LRBA: variants seen among roughly 807,000 people sequenced by gnomAD.
The protein encoded by LRBA is lipopolysaccharide-responsive and beige-like anchor protein.
LRBA carries 176 observed loss-of-function variants against 330.0 expected under a neutral mutation model. That is an observed-to-expected ratio of 0.53 (90% CI 0.47 to 0.60). LRBA has a LOEUF of 0.60. Among genes scored for constraint, LRBA ranks in the 20% least tolerant of loss-of-function variants. The pLI, the probability that LRBA is intolerant of heterozygous loss-of-function variation, is 0.00. For missense variants in LRBA, 3,259 were observed against 3,444.8 expected, an observed-to-expected ratio of 0.95 and a Z score of 1.35; for synonymous variants, 1,230 against 1,193.0, an observed-to-expected ratio of 1.03 and a Z score of -0.64.
intron 17 of LRBA, among the ~76,000 whole-genome samples, chr4:150,888,048 CAAAG>C: frequency 6.6e-6 from 1 of 151,376 alleles, no homozygotes; most frequent in East Asian, 1.9e-4. Flanking sequence ...TTATATTTAA[CAAAG>C]AAAGATTTCA....
At chr4:150,668,987 C>A (rs1781814187) in intron 37 of LRBA, among the ~76,000 whole-genome samples, 2 of 152,216 alleles carry the variant, frequency 1.3e-5, no homozygotes, top group African/African-American at 4.8e-5. Flanking sequence ...GCGCCCTGGT[C>A]TTAAATCCCA....
chr4:150,720,559 A>T (rs1728799038), intron 36 of LRBA, among the ~76,000 whole-genome samples: 1 of 152,160 alleles, frequency 6.6e-6, no homozygotes, highest in African/African-American at 2.4e-5. Context: ...GCTAAGGATC[A>T]AAGAAAGTCA....
At chr4:150,391,964 T>C (rs1485964721) in intron 47 of LRBA, among the ~76,000 whole-genome samples, 3 of 112,656 alleles carry the variant, frequency 2.7e-5, no homozygotes, top group Non-Finnish European at 5.8e-5. Context: ...TGATACTCTG[T>C]TACTCTTTAA....
At chr4:150,673,355 CATT>C (rs1380706959) in intron 37 of LRBA, among the ~76,000 whole-genome samples, 1 of 152,120 alleles carries the variant, frequency 6.6e-6, no homozygotes, top group African/African-American at 2.4e-5. Flanking sequence ...AAAGATAAGT[CATT>C]GTATATCCAG....
chr4:150,831,305 A>T (rs1057261296), intron 29 of LRBA, among the ~76,000 whole-genome samples: 4 of 152,002 alleles, frequency 2.6e-5, no homozygotes, highest in Non-Finnish European at 4.4e-5. Context: ...TAAGCTCCAT[A>T]AGGAAACAGA....
chr4:150,654,683 T>A (rs555657125), intron 37 of LRBA, among the ~76,000 whole-genome samples: 4 of 152,296 alleles, frequency 2.6e-5, no homozygotes, highest in African/African-American at 9.6e-5. Context: ...CCTAATGCTA[T>A]CCCTACCCCC....
At chr4:150,610,075 T>C (rs1448675897) in intron 37 of LRBA, among the ~76,000 whole-genome samples, 1 of 152,196 alleles carries the variant, frequency 6.6e-6, no homozygotes, top group Non-Finnish European at 1.5e-5. Context: ...TTACGTAGCA[T>C]ATTTTTGACT....
chr4:150,664,540 C>A (rs1781402186), intron 37 of LRBA, among the ~76,000 whole-genome samples: 1 of 152,100 alleles, frequency 6.6e-6, no homozygotes, highest in Admixed American at 6.5e-5. Flanking sequence ...GATGTGTTCC[C>A]TCAAAGTATA....
At chr4:150,972,977 A>T (rs935859002) in intron 2 of LRBA, among the ~76,000 whole-genome samples, 20 of 151,714 alleles carry the variant, frequency 1.3e-4, no homozygotes, top group Admixed American at 3.9e-4. Flanking sequence ...ATTGTCCTTT[A>T]AAAAAAAACT....
At chr4:150,981,935 C>A (rs1007186555) in intron 2 of LRBA, among the ~76,000 whole-genome samples, 19 of 148,462 alleles carry the variant, frequency 1.3e-4, no homozygotes, top group African/African-American at 4.3e-4. Context: ...TGCACTCCAG[C>A]CAGGGAGACA....
At chr4:150,679,403 T>C (rs1338073103) in intron 37 of LRBA, among the ~76,000 whole-genome samples, 1 of 152,208 alleles carries the variant, frequency 6.6e-6, no homozygotes, top group Non-Finnish European at 1.5e-5. Context: ...AACTGTCCAC[T>C]GGAACAGTTA....
chr4:150,943,641 C>T (rs970029604), intron 2 of LRBA, among the ~76,000 whole-genome samples: 36 of 152,254 alleles, frequency 2.4e-4, no homozygotes, highest in African/African-American at 8.4e-4. Context: ...TTTAACTCAA[C>T]CTGTTTGTTT....
intron 47 of LRBA, among the ~76,000 whole-genome samples, chr4:150,366,526 G>C (rs2151854710): frequency 1.3e-5 from 2 of 152,304 alleles, no homozygotes; most frequent in South Asian, 4.1e-4. Flanking sequence ...TCCTGTTTGA[G>C]AGACTGCATG....
At chr4:150,634,431 T>G (rs1213640165) in intron 37 of LRBA, among the ~76,000 whole-genome samples, 1 of 152,198 alleles carries the variant, frequency 6.6e-6, no homozygotes, top group Non-Finnish European at 1.5e-5. Flanking sequence ...TCACTGACTA[T>G]TCAATCAATA....
At chr4:150,857,645 C>A (rs926151506) in intron 22 of LRBA, among the ~76,000 whole-genome samples, 2 of 152,054 alleles carry the variant, frequency 1.3e-5, no homozygotes, top group Admixed American at 1.3e-4. Context: ...CAGTATTGAA[C>A]CAGGCTCATC....
At chr4:151,013,852 A>G (rs998077249) in intron 2 of LRBA, 1 of 152,624 alleles carries the variant, frequency 6.6e-6, no homozygotes, top group African/African-American at 2.4e-5. Context: ...TTGCCATTCA[A>G]TTTTCACAAG....
At chr4:150,679,949 T>TC (rs1782904377) in intron 37 of LRBA, among the ~76,000 whole-genome samples, 1 of 152,174 alleles carries the variant, frequency 6.6e-6, no homozygotes, top group Non-Finnish European at 1.5e-5. Context: ...GGGTAGTATG[T>TC]CCTCTGAGAC....
intron 53 of LRBA, among the ~76,000 whole-genome samples, chr4:150,289,505 A>G (rs745669456): frequency 2.0e-5 from 3 of 152,246 alleles, no homozygotes; most frequent in Non-Finnish European, 4.4e-5. Context: ...ACTTATGATC[A>G]TTAGGTTCTC....
intron 44 of LRBA, among the ~76,000 whole-genome samples, chr4:150,450,797 G>A (rs955790743): frequency 2.0e-5 from 3 of 152,180 alleles, no homozygotes; most frequent in Non-Finnish European, 4.4e-5. Flanking sequence ...CACTTTGGGA[G>A]GCCAAGGCAG....
Sources: allele counts gnomAD v4.1 joint callset (sites outside exome capture counted in the v4.1 genomes callset), GRCh38; gene constraint gnomAD v4.1.1; transcripts MANE v1.5; gene names NCBI Gene and HGNC (gene_info 2026-07-23, HGNC 2026-07-21).